Variants in UGGT2 observed in about 807,000 individuals in gnomAD.
UGGT2 encodes UDP-glucose:glycoprotein glucosyltransferase 2.
Under a neutral mutation model 192.1 loss-of-function variants are expected in UGGT2, and 180 were observed. That is an observed-to-expected ratio of 0.94 (90% CI 0.83 to 1.06). UGGT2 has a LOEUF of 1.06. Ranked by LOEUF, UGGT2 falls within the 50% of genes least tolerant of loss-of-function variation. UGGT2 has a pLI of 0.00. For synonymous variants in UGGT2, 580 were observed against 591.0 expected, an observed-to-expected ratio of 0.98 and a Z score of 0.27; for missense variants, 1,849 against 1,795.7, an observed-to-expected ratio of 1.03 and a Z score of -0.54.
intron 22 of UGGT2, among the ~76,000 whole-genome samples, chr13:95,897,493 T>C (rs2047980330): frequency 6.6e-6 from 1 of 152,194 alleles, no homozygotes; most frequent in Non-Finnish European, 1.5e-5. Context: ...TGTACCCTAG[T>C]TGTTGATCAT....
intron 13 of UGGT2, among the ~76,000 whole-genome samples, chr13:95,948,775 A>G (rs963384224): frequency 2.2e-4 from 33 of 152,358 alleles, no homozygotes; most frequent in Middle Eastern, 6.8e-3. Context: ...TAAGGGCTAA[A>G]GAGTAAGAGG....
intron 1 of UGGT2, among the ~76,000 whole-genome samples, chr13:96,050,447 A>G (rs1210634435): frequency 1.3e-5 from 2 of 152,216 alleles, no homozygotes; most frequent in African/African-American, 4.8e-5. Context: ...AAAACACCAA[A>G]AGCAATGGCA....
At chr13:96,016,103 AGTG>A (rs1240572462) in intron 4 of UGGT2, among the ~76,000 whole-genome samples, 4 of 152,244 alleles carry the variant, frequency 2.6e-5, no homozygotes, top group Non-Finnish European at 5.9e-5. Flanking sequence ...GTATTCAAGA[AGTG>A]GCCTGGCTGC....
chr13:95,841,156 T>G (rs1887814455), intron 36 of UGGT2, among the ~76,000 whole-genome samples: 1 of 152,162 alleles, frequency 6.6e-6, no homozygotes, highest in Non-Finnish European at 1.5e-5. Context: ...CCATGGCACA[T>G]GTATACCTAC....
At chr13:95,851,613 G>A (rs1889052753) in intron 36 of UGGT2, among the ~76,000 whole-genome samples, 1 of 152,162 alleles carries the variant, frequency 6.6e-6, no homozygotes, top group South Asian at 2.1e-4. Flanking sequence ...AAACATCCGT[G>A]CTGCAAAGAG....
intron 36 of UGGT2, among the ~76,000 whole-genome samples, chr13:95,838,519 G>A (rs8002064): frequency 0.36 from 54,660 of 151,874 alleles, 10,300 homozygotes; most frequent in Non-Finnish European, 0.42. Context: ...AAGTCAGAGG[G>A]CTGACACTAC....
At chr13:95,989,313 C>T (rs1376499943) in intron 8 of UGGT2, among the ~76,000 whole-genome samples, 1 of 151,756 alleles carries the variant, frequency 6.6e-6, no homozygotes, top group South Asian at 2.1e-4. Flanking sequence ...AACAAAAGAG[C>T]TTATTAAGCT....
At chr13:95,912,060 T>A (rs927576945) in intron 20 of UGGT2, among the ~76,000 whole-genome samples, 1 of 151,430 alleles carries the variant, frequency 6.6e-6, no homozygotes, top group African/African-American at 2.4e-5. Flanking sequence ...AAACTCTCAA[T>A]AAACTAGGTA....
intron 12 of UGGT2, among the ~76,000 whole-genome samples, chr13:95,969,530 T>C (rs746075555): frequency 5.3e-5 from 8 of 151,768 alleles, no homozygotes; most frequent in Non-Finnish European, 1.0e-4. Flanking sequence ...GTTAACTGGA[T>C]AGAGAAAAAA....
At chr13:95,972,231 A>C (rs140349974) in intron 11 of UGGT2, among the ~76,000 whole-genome samples, 91 of 152,188 alleles carry the variant, frequency 6.0e-4, no homozygotes, top group African/African-American at 2.1e-3. Context: ...CTTCTGGGGA[A>C]ATACCCCATG....
At chr13:95,823,222 A>C (rs144057595) in intron 38 of UGGT2, among the ~76,000 whole-genome samples, 1 of 151,984 alleles carries the variant, frequency 6.6e-6, no homozygotes, top group African/African-American at 2.4e-5. Flanking sequence ...AGAATGTTCC[A>C]TGTGCTAAGA....
At chr13:96,038,673 C>G (rs2053076167) in intron 1 of UGGT2, among the ~76,000 whole-genome samples, 1 of 152,122 alleles carries the variant, frequency 6.6e-6, no homozygotes, top group Non-Finnish European at 1.5e-5. Context: ...AAGGTTTGAG[C>G]AGAGTTAATG....
rs781739176 is a variant in UGGT2, at chr13:96,013,475, T to A, written c.492A>T (p.Arg164Ser). The A allele has an allele frequency of 6.5e-7, 1 of 1,533,242 alleles. No individual in the cohort carries two copies. Among genetic ancestry groups the A allele is most frequent in the Non-Finnish European group, 8.7e-7 (1 of 1,144,456 alleles). 95.0% of individuals were successfully genotyped at this position (1,533,242 alleles called of 1,614,324 possible). A position where few individuals can be genotyped will look rare whatever the true frequency, so the allele number is the denominator to read the frequency against. The change falls in exon 5 of 39, where the codon AGA (arginine) becomes AGT (serine). Residue 164 changes from arginine to serine, a missense_variant. By Grantham distance (110) the Arg-to-Ser change is moderately radical. Coordinates refer to ENST00000376747, the MANE Select transcript of UGGT2 (RefSeq NM_020121.4). Reference protein sequence around the residue: ...KLLKKAASRTRPYLFKGDHKF... With the variant: ...KLLKKAASRTSPYLFKGDHKF... ...TGTGATCTCCTTTAAATAGATAAGG[T>A]CTAGTCCTAAGATAAAAGCAAAACA...
intron 31 of UGGT2, among the ~76,000 whole-genome samples, chr13:95,861,449 C>T (rs1040864820): frequency 6.6e-6 from 1 of 152,026 alleles, no homozygotes; most frequent in Non-Finnish European, 1.5e-5. Flanking sequence ...AAAGAAAGCA[C>T]TAGGGAACCA....
At chr13:95,939,840 ATTT>A in intron 16 of UGGT2, 114 bp downstream of exon 16, 1 of 837,170 alleles carries the variant, frequency 1.2e-6, no homozygotes, top group East Asian at 3.2e-5. Context: ...GGTAACCCCC[ATTT>A]TACTCTGTTT....
chr13:96,044,754 T>C (rs965598837), intron 1 of UGGT2, among the ~76,000 whole-genome samples: 11 of 152,078 alleles, frequency 7.2e-5, no homozygotes, highest in African/African-American at 1.9e-4. Context: ...CTAGAGGAGA[T>C]GGATAAATTC....
At chr13:95,915,718 G>C (rs935173723) in intron 20 of UGGT2, among the ~76,000 whole-genome samples, 2 of 152,156 alleles carry the variant, frequency 1.3e-5, no homozygotes, top group African/African-American at 4.8e-5. Context: ...GCCAGCTTTG[G>C]AGAGTCCAAA....
intron 6 of UGGT2, among the ~76,000 whole-genome samples, chr13:95,998,940 T>G (rs1466723686): frequency 6.6e-6 from 1 of 152,192 alleles, no homozygotes; most frequent in Non-Finnish European, 1.5e-5. Context: ...TATCAATTGT[T>G]ACATGGTGCT....
At chr13:95,915,879 T>C (rs1463491894) in intron 20 of UGGT2, among the ~76,000 whole-genome samples, 2 of 152,244 alleles carry the variant, frequency 1.3e-5, no homozygotes, top group African/African-American at 4.8e-5. Flanking sequence ...GCCAGGATTA[T>C]AAAGACAGAG....
Sources: gnomAD v4.1 joint callset for allele counts (sites outside exome capture counted in the v4.1 genomes callset) on GRCh38, gnomAD v4.1.1 for gene constraint, MANE v1.5 for transcripts, NCBI Gene and HGNC (gene_info 2026-07-23, HGNC 2026-07-21) for gene names.